Variants in NFIA observed in about 807,000 individuals in gnomAD.
The protein encoded by NFIA is nuclear factor 1 A-type.
Under a neutral mutation model 62.8 loss-of-function variants are expected in NFIA, and 8 were observed. The observed-to-expected ratio is 0.13, with a 90% CI of 0.07 to 0.23. The LOEUF is 0.23. NFIA is among the 10% of genes least tolerant of loss of function. The pLI is 1.00. For synonymous variants in NFIA, 235 were observed against 238.1 expected (o/e 0.99, Z 0.12); for missense variants, 410 against 642.1 (o/e 0.64, Z 3.91).
chr1:61,093,823 C>T (rs1176039108), intron 2 of NFIA, among the ~76,000 whole-genome samples: 1 of 152,146 alleles, frequency 6.6e-6, no homozygotes, highest in Non-Finnish European at 1.5e-5. Context: ...CTTGGATTTT[C>T]CTTGTCTTCT....
intron 2 of NFIA, among the ~76,000 whole-genome samples, chr1:61,161,765 C>T (rs1463631194): frequency 6.6e-6 from 1 of 152,184 alleles, no homozygotes; most frequent in African/African-American, 2.4e-5. Context: ...ACACACCCCT[C>T]TATAATCCTG....
At chr1:61,283,335 C>A (rs1178652666) in intron 3 of NFIA, among the ~76,000 whole-genome samples, 5 of 151,494 alleles carry the variant, frequency 3.3e-5, no homozygotes, top group Admixed American at 2.6e-4. Context: ...CTTTGGGAGG[C>A]CAAGGCGGGT....
intron 2 of NFIA, among the ~76,000 whole-genome samples, chr1:61,222,524 T>G (rs1654082267): frequency 6.6e-6 from 1 of 152,078 alleles, no homozygotes; most frequent in Non-Finnish European, 1.5e-5. Flanking sequence ...AGTCTTTCTT[T>G]AACTTAGGAA....
At chr1:61,196,846 A>T (rs559637688) in intron 2 of NFIA, among the ~76,000 whole-genome samples, 13 of 152,094 alleles carry the variant, frequency 8.5e-5, no homozygotes, top group African/African-American at 2.9e-4. Context: ...TAACAGTGTC[A>T]ATAGTTAAAA....
chr1:61,314,124 C>T (rs1275915717), intron 3 of NFIA, among the ~76,000 whole-genome samples: 1 of 152,176 alleles, frequency 6.6e-6, no homozygotes, highest in Non-Finnish European at 1.5e-5. Context: ...CTGCACTTCA[C>T]GTCACTAATC....
intron 7 of NFIA, among the ~76,000 whole-genome samples, chr1:61,401,631 AC>A (rs1317545321): frequency 6.6e-6 from 1 of 152,188 alleles, no homozygotes; most frequent in Non-Finnish European, 1.5e-5. Context: ...TCCATTGAGC[AC>A]CTGAGGCAGC....
At chr1:61,089,846 TAGAA>T (rs2100417395) in intron 2 of NFIA, among the ~76,000 whole-genome samples, 1 of 152,254 alleles carries the variant, frequency 6.6e-6, no homozygotes, top group Non-Finnish European at 1.5e-5. Context: ...ATATATGTTT[TAGAA>T]AGAGAACTTT....
At chr1:61,411,388 G>A (rs1458632993) in intron 9 of NFIA, among the ~76,000 whole-genome samples, 5 of 152,140 alleles carry the variant, frequency 3.3e-5, no homozygotes, top group Non-Finnish European at 7.4e-5. Flanking sequence ...TTGATAGACT[G>A]TGCCAGGTCT....
chr1:61,283,958 C>T (rs1658322863), intron 3 of NFIA, among the ~76,000 whole-genome samples: 1 of 152,132 alleles, frequency 6.6e-6, no homozygotes, highest in Non-Finnish European at 1.5e-5. Context: ...TGCAACCTTA[C>T]AGTTTATGTT....
chr1:61,455,120 A>G (rs1210804908), intron 10 of NFIA, among the ~76,000 whole-genome samples, 183 bp from the exon 11 acceptor site: 4 of 152,250 alleles, frequency 2.6e-5, no homozygotes, highest in African/African-American at 9.6e-5. Context: ...TTATAATTTC[A>G]GAAGAATAAG....
chr1:61,350,350 C>T (rs1413302653), intron 4 of NFIA, among the ~76,000 whole-genome samples: 2 of 151,054 alleles, frequency 1.3e-5, no homozygotes, highest in East Asian at 2.0e-4. Context: ...CAGATCCCAC[C>T]GGGCACATGT....
intron 3 of NFIA, among the ~76,000 whole-genome samples, chr1:61,303,774 G>A (rs1659611506): frequency 6.6e-6 from 1 of 152,226 alleles, no homozygotes; most frequent in Non-Finnish European, 1.5e-5. Context: ...AGTGATGCCA[G>A]TGCCACTGGT....
At position 61,303,303 on chromosome 1, in the gene NFIA, T is replaced by TA. The variant is rs552968516; in HGVS notation, c.625+25720dup. 7.0e-3 allele frequency among the ~76,000 whole-genome samples: 1,062 copies of TA among 152,342 alleles called. 4 individuals carry two copies. Among genetic ancestry groups the TA allele is most frequent in the Non-Finnish European group, 0.011 (765 of 68,024 alleles). On this transcript the variant is annotated intron_variant, in intron 3 of 10. Transcript: ENST00000403491. ...TAGTTGCACAGGATACATCACTGAA[T>TA]AATAAAATCCCTGCCCCTCAAGGAG...
At chr1:61,164,682 A>C (rs1649449184) in intron 2 of NFIA, among the ~76,000 whole-genome samples, 1 of 152,006 alleles carries the variant, frequency 6.6e-6, no homozygotes, top group Non-Finnish European at 1.5e-5. Context: ...GGATGGTCTC[A>C]ATCTCCTGAC....
At chr1:61,398,026 G>A (rs140916754) in intron 7 of NFIA, among the ~76,000 whole-genome samples, 1 of 152,344 alleles carries the variant, frequency 6.6e-6, no homozygotes, top group East Asian at 1.9e-4. Flanking sequence ...AGCACAGCAG[G>A]TGCTTGGAGA....
chr1:61,436,174 G>C (rs192808955), intron 10 of NFIA, among the ~76,000 whole-genome samples: 14 of 152,216 alleles, frequency 9.2e-5, no homozygotes, highest in African/African-American at 3.4e-4. Flanking sequence ...TGCCCCCTGG[G>C]TGCCCTCCAG....
intron 2 of NFIA, among the ~76,000 whole-genome samples, chr1:61,113,596 G>GA (rs376543670): frequency 0.81 from 86,512 of 107,032 alleles, 35,648 homozygotes; most frequent in Non-Finnish European, 0.89. Flanking sequence ...CTCCATCTCA[G>GA]AAAAAAAAAA....
intron 9 of NFIA, among the ~76,000 whole-genome samples, chr1:61,410,894 G>A (rs925310436): frequency 1.3e-5 from 2 of 152,064 alleles, no homozygotes; most frequent in African/African-American, 4.8e-5. Context: ...GTGACAGAGC[G>A]AGACCCTGTT....
At chr1:61,182,554 A>G (rs1337740772) in intron 2 of NFIA, among the ~76,000 whole-genome samples, 1 of 152,246 alleles carries the variant, frequency 6.6e-6, no homozygotes, top group Non-Finnish European at 1.5e-5. Flanking sequence ...TAGAACTGTA[A>G]TTTGTGTAGG....
Sources: allele counts gnomAD v4.1 joint callset (sites outside exome capture counted in the v4.1 genomes callset), GRCh38; gene constraint gnomAD v4.1.1; transcripts MANE v1.5; gene names NCBI Gene and HGNC (gene_info 2026-07-23, HGNC 2026-07-21).